The following OSBPL8 variants were observed in gnomAD, a reference collection of about 807,000 sequenced individuals.
The protein encoded by OSBPL8 is oxysterol-binding protein-related protein 8.
In OSBPL8, 59 loss-of-function variants were observed where a neutral mutation model predicts 125.5. The observed-to-expected ratio is 0.47, with a 90% CI of 0.38 to 0.58. The LOEUF is 0.58. Ranked by LOEUF, OSBPL8 falls within the 20% of genes least tolerant of loss-of-function variation. The probability of loss-of-function intolerance (pLI) is 0.00; values close to 1 mark genes in which losing one functional copy is unlikely to be tolerated. For synonymous variants in OSBPL8, 330 were observed against 338.9 expected (o/e 0.97, Z 0.29); for missense variants, 758 against 1,047.8 (o/e 0.72, Z 3.82).
chr12:76,439,102 C>G, intron 4 of OSBPL8, among the ~76,000 whole-genome samples: 1 of 152,184 alleles, frequency 6.6e-6, no homozygotes, highest in Non-Finnish European at 1.5e-5. Flanking sequence ...GCACACAGGC[C>G]GGACGCGGTG....
chr12:76,387,339 T>C (rs1041171421), intron 12 of OSBPL8, among the ~76,000 whole-genome samples: 1 of 152,212 alleles, frequency 6.6e-6, no homozygotes, highest in Non-Finnish European at 1.5e-5. Context: ...CCAAAATAAT[T>C]AAATCAATAC....
Position 76,389,692 on chromosome 12 carries a change from G to A in OSBPL8, c.1305C>T (p.Phe435=). The A allele has an allele frequency of 6.2e-7, 1 of 1,602,914 alleles. No individual in the cohort carries two copies. The stretch of plus-strand genomic sequence containing the variant: ...AGTAGTAATCTGAAAGTTTATCCAG[G>A]AAAGAACGGGGTTCCAAAATAAATG... ...LPTFILEPRS[F]LDKLSDYYYH... is the part of the protein sequence containing the mutation. Residue 435 remains phenylalanine, a synonymous_variant, in exon 12 of 24, where the codon TTC becomes TTT. Transcript: ENST00000261183.
In OSBPL8 at chr12:76,486,218, C is replaced by T. The variant is rs185103678; in HGVS notation, c.42+1292G>A. On this transcript the variant is annotated intron_variant, in intron 2 of 23. Transcript: ENST00000261183. ...CTGGGACCAAGTTAATATTAGTCAGCAAAACTGCATTTTGCTATCAATCAT... is the reference window on the plus strand; with the variant it reads ...CTGGGACCAAGTTAATATTAGTCAGTAAAACTGCATTTTGCTATCAATCAT... 6.0e-3 allele frequency: 1,663 copies of T among 277,966 alleles called. 15 individuals carry two copies. Among genetic ancestry groups the T allele is most frequent in the Middle Eastern group, 0.028 (65 of 2,308 alleles). The allele number at this position is 277,966 out of a possible 1,614,324, so 17.2% of individuals were successfully genotyped here.
At chr12:76,361,850 G>A (rs887411971) in intron 21 of OSBPL8, among the ~76,000 whole-genome samples, 2 of 152,108 alleles carry the variant, frequency 1.3e-5, no homozygotes, top group Non-Finnish European at 2.9e-5. Flanking sequence ...CACAGCATGT[G>A]GAAATTATGG....
At position 76,369,214 on chromosome 12, in the gene OSBPL8, C is replaced by T. The variant is rs1224683890; in HGVS notation, c.2328G>A (p.Met776Ile). ...IQTKVKHRTP[M>I]VSVPKMKHKP... ...GTGTACCTAGTTTTTTATTACATAC[C>T]ATTGGAGTACGATGTTTCACTTTGG... The change falls in exon 21 of 24, where the codon ATG (methionine) becomes ATA (isoleucine). Residue 776 changes from methionine to isoleucine, a missense_variant and splice_region_variant. Transcript: ENST00000261183. 1 of 1,608,094 alleles carries T rather than the reference C, an allele frequency of 6.2e-7. No individual in the cohort carries two copies. Among genetic ancestry groups the T allele is most frequent in the African/African-American group, 1.3e-5 (1 of 74,304 alleles).
chr12:76,426,597 AC>A (rs1426801386), intron 4 of OSBPL8, among the ~76,000 whole-genome samples: 2 of 152,230 alleles, frequency 1.3e-5, no homozygotes, highest in Admixed American at 1.3e-4. Context: ...CTTCTAAAGT[AC>A]TAGCAATGAT....
intron 2 of OSBPL8, among the ~76,000 whole-genome samples, chr12:76,481,019 T>C (rs1447535345): frequency 6.6e-6 from 1 of 152,132 alleles, no homozygotes; most frequent in Non-Finnish European, 1.5e-5. Flanking sequence ...CAGCAGGGCA[T>C]GTGATAACAA....
intron 21 of OSBPL8, among the ~76,000 whole-genome samples, chr12:76,363,206 A>C (rs889621213): frequency 6.6e-6 from 1 of 152,254 alleles, no homozygotes; most frequent in African/African-American, 2.4e-5. Flanking sequence ...GGAACCAAAA[A>C]AGAGCCCATA....
At position 76,358,713 on chromosome 12, in the gene OSBPL8, T is replaced by C; in HGVS notation, c.2427A>G (p.Gly809=). ...TGCAATAAATATTTTTACCTTCACT[T>C]CCAGAGGAGTCTTGAATGTCAGGTT... The part of the protein sequence containing the change: ...SPEPDIQDSS[G]SEAQSVKPST... The change falls in exon 22 of 24, where the codon GGA becomes GGG. Residue 809 remains glycine (G), a synonymous_variant. Transcript: ENST00000261183. The C allele has an allele frequency of 1.2e-6, 2 of 1,608,268 alleles. No homozygotes were observed. Among genetic ancestry groups the C allele is most frequent in the Non-Finnish European group, 8.5e-7 (1 of 1,174,620 alleles).
chr12:76,541,645 A>T (rs1211646606), intron 1 of OSBPL8, among the ~76,000 whole-genome samples: 1 of 152,032 alleles, frequency 6.6e-6, no homozygotes, highest in Non-Finnish European at 1.5e-5. Flanking sequence ...ACCTGAGGTC[A>T]GGAGTTCAAG....
At chr12:76,529,067 GTTT>G (rs992123588) in intron 1 of OSBPL8, among the ~76,000 whole-genome samples, 5 of 148,064 alleles carry the variant, frequency 3.4e-5, no homozygotes, top group African/African-American at 1.3e-4. Flanking sequence ...GTTTTGTTTT[GTTT>G]TTTTTTAACT....
chr12:76,446,100 G>GT (rs773543880), intron 4 of OSBPL8, among the ~76,000 whole-genome samples: 13 of 152,062 alleles, frequency 8.5e-5, no homozygotes, highest in Non-Finnish European at 1.6e-4. Flanking sequence ...TAAAGTCCTC[G>GT]TAAGAATTCC....
intron 21 of OSBPL8, among the ~76,000 whole-genome samples, chr12:76,360,248 G>A (rs1952146864): frequency 6.6e-6 from 1 of 152,180 alleles, no homozygotes; most frequent in Non-Finnish European, 1.5e-5. Flanking sequence ...GGGTCATAGG[G>A]CCCATGCAAG....
chr12:76,409,295 A>G (rs1037331258), intron 5 of OSBPL8, among the ~76,000 whole-genome samples: 2 of 152,304 alleles, frequency 1.3e-5, no homozygotes, highest in Non-Finnish European at 2.9e-5. Flanking sequence ...AAAGAATCCA[A>G]ACACACAGAG....
intron 3 of OSBPL8, among the ~76,000 whole-genome samples, chr12:76,459,444 A>G (rs541343907): frequency 6.6e-6 from 1 of 152,364 alleles, no homozygotes; most frequent in South Asian, 2.1e-4. Context: ...CCCAAAGTAT[A>G]AAACAATTTT....
chr12:76,362,655 C>T (rs1592520036), intron 21 of OSBPL8, among the ~76,000 whole-genome samples: 1 of 152,154 alleles, frequency 6.6e-6, no homozygotes, highest in East Asian at 1.9e-4. Flanking sequence ...CACTCCTATT[C>T]AACATAGTAC....
At chr12:76,395,649 T>C (rs954117256) in intron 8 of OSBPL8, among the ~76,000 whole-genome samples, 11 of 152,168 alleles carry the variant, frequency 7.2e-5, no homozygotes, top group Non-Finnish European at 1.5e-4. Context: ...GTTTCAATCA[T>C]GGCTCCATGC....
At chr12:76,455,706 G>A (rs943185143) in intron 3 of OSBPL8, among the ~76,000 whole-genome samples, 8 of 152,150 alleles carry the variant, frequency 5.3e-5, no homozygotes, top group African/African-American at 2.4e-5. Flanking sequence ...ACAGACAAAA[G>A]AGGCTAGGGA....
intron 1 of OSBPL8, among the ~76,000 whole-genome samples, chr12:76,540,826 T>G (rs1485195010): frequency 2.0e-5 from 3 of 152,166 alleles, no homozygotes; most frequent in Non-Finnish European, 4.4e-5. Context: ...TGAAATTACT[T>G]TTCACATCAA....
Sources: gnomAD v4.1 joint callset for allele counts (sites outside exome capture counted in the v4.1 genomes callset) on GRCh38, gnomAD v4.1.1 for gene constraint, MANE v1.5 for transcripts, NCBI Gene and HGNC (gene_info 2026-07-23, HGNC 2026-07-21) for gene names.